LAMA2: variants seen among roughly 807,000 people sequenced by gnomAD.
LAMA2 encodes the protein laminin subunit alpha 2, also known as laminin subunit alpha-2.
In LAMA2, 269 loss-of-function variants were observed where a neutral mutation model predicts 364.8. That is an observed-to-expected ratio of 0.74 (90% CI 0.67 to 0.82). LAMA2 has a LOEUF of 0.82. Ranked by LOEUF, LAMA2 falls within the 40% of genes least tolerant of loss-of-function variation. LAMA2 has a pLI of 0.00. For missense variants in LAMA2, 3,807 were observed against 3,873.2 expected, an observed-to-expected ratio of 0.98 and a Z score of 0.45; for synonymous variants, 1,379 against 1,370.6, an observed-to-expected ratio of 1.01 and a Z score of -0.14.
chr6:129,430,882 AT>A (rs1195278299), intron 41 of LAMA2, among the ~76,000 whole-genome samples: 1 of 151,888 alleles, frequency 6.6e-6, no homozygotes. Flanking sequence ...ATTTAAAATA[AT>A]TTTTTTCAGT....
intron 41 of LAMA2, 76 bp from the exon 42 acceptor site, chr6:129,438,570 C>A: frequency 1.4e-6 from 1 of 719,178 alleles, no homozygotes; most frequent in African/African-American, 1.8e-5. Flanking sequence ...TTAAAATAAC[C>A]TGAAATTGCA....
At chr6:129,127,642 T>G (rs771909935) in intron 4 of LAMA2, among the ~76,000 whole-genome samples, 2 of 152,212 alleles carry the variant, frequency 1.3e-5, no homozygotes, top group Non-Finnish European at 2.9e-5. Context: ...CCACCAACAG[T>G]GTACAAGGAT....
At chr6:129,279,268 G>C (rs2114387693) in intron 17 of LAMA2, among the ~76,000 whole-genome samples, 1 of 152,226 alleles carries the variant, frequency 6.6e-6, no homozygotes, top group South Asian at 2.1e-4. Context: ...ATGTATGAGA[G>C]GTGCCTCTCA....
At chr6:129,190,149 C>A in intron 10 of LAMA2, 56 bp from the exon 11 acceptor site, 1 of 1,558,724 alleles carries the variant, frequency 6.4e-7, no homozygotes. Context: ...CAGACATGGA[C>A]GCAGCTCATA....
intron 1 of LAMA2, among the ~76,000 whole-genome samples, chr6:128,981,942 C>A (rs79934959): frequency 0.12 from 18,224 of 152,110 alleles, 1,206 homozygotes; most frequent in Middle Eastern, 0.21. Flanking sequence ...CAGTTAGGCA[C>A]CCAACCTCTC....
chr6:129,325,590 TACTC>T (rs199935293), intron 28 of LAMA2, among the ~76,000 whole-genome samples: 7 of 152,112 alleles, frequency 4.6e-5, no homozygotes, highest in African/African-American at 1.4e-4. Flanking sequence ...CGTTGTCAAA[TACTC>T]TCTCTCTCTC....
At chr6:128,909,702 T>C (rs1490838007) in intron 1 of LAMA2, among the ~76,000 whole-genome samples, 2 of 151,674 alleles carry the variant, frequency 1.3e-5, no homozygotes, top group Non-Finnish European at 2.9e-5. Context: ...GTTATTTTGC[T>C]CGTTAGTTGA....
intron 40 of LAMA2, among the ~76,000 whole-genome samples, chr6:129,412,897 G>C (rs1299958262): frequency 1.3e-5 from 2 of 152,174 alleles, no homozygotes; most frequent in African/African-American, 4.8e-5. Flanking sequence ...AACTGTAAGG[G>C]AGGTCTGGAA....
chr6:129,038,624 C>T (rs1290708760), intron 1 of LAMA2, among the ~76,000 whole-genome samples: 1 of 152,184 alleles, frequency 6.6e-6, no homozygotes, highest in Non-Finnish European at 1.5e-5. Flanking sequence ...ATCTCTACTC[C>T]TATCATTATC....
chr6:129,077,176 C>T (rs1009708094), intron 3 of LAMA2, among the ~76,000 whole-genome samples: 4 of 151,994 alleles, frequency 2.6e-5, no homozygotes, highest in Admixed American at 6.5e-5. Flanking sequence ...TTTGCTTCTT[C>T]ATTATCCTTA....
At chr6:129,269,717 G>A (rs1787788916) in intron 16 of LAMA2, among the ~76,000 whole-genome samples, 1 of 152,086 alleles carries the variant, frequency 6.6e-6, no homozygotes, top group East Asian at 1.9e-4. Context: ...TTCAGTAATA[G>A]CTTAGTTTAG....
At chr6:129,239,704 T>A (rs922900931) in intron 12 of LAMA2, among the ~76,000 whole-genome samples, 2 of 152,274 alleles carry the variant, frequency 1.3e-5, no homozygotes, top group East Asian at 3.9e-4. Context: ...TTATTTTAGA[T>A]GAAGTTCTGC....
chr6:129,176,993 A>G (rs1780633949), intron 9 of LAMA2, among the ~76,000 whole-genome samples: 2 of 151,720 alleles, frequency 1.3e-5, no homozygotes, highest in South Asian at 4.2e-4. Context: ...CTGATGGACT[A>G]TATATATTAC....
chr6:129,381,148 A>G (rs1778660756), intron 34 of LAMA2, among the ~76,000 whole-genome samples: 1 of 152,200 alleles, frequency 6.6e-6, no homozygotes, highest in East Asian at 1.9e-4. Context: ...CATTTTCTGT[A>G]CCATAAGAGA....
At chr6:129,381,667 C>CA (rs1428657917) in intron 34 of LAMA2, among the ~76,000 whole-genome samples, 2 of 151,868 alleles carry the variant, frequency 1.3e-5, no homozygotes, top group Non-Finnish European at 1.5e-5. Flanking sequence ...CAGTTTATCC[C>CA]AAAAAAATTT....
chr6:129,059,404 C>G (rs1037939795), intron 2 of LAMA2, among the ~76,000 whole-genome samples: 12 of 152,288 alleles, frequency 7.9e-5, no homozygotes, highest in African/African-American at 2.9e-4. Context: ...TGATGGCATA[C>G]TAGAGCTGTC....
chr6:129,267,185 C>T lies in LAMA2; in HGVS notation c.2288C>T (p.Ala763Val), dbSNP rs141521127. 1.9e-4 allele frequency: 314 copies of T among 1,612,846 alleles called. 2 individuals carry two copies. The East Asian group carries it at 3.1e-3, about 16-fold the overall frequency. ...ICEPCQCFGHAESCDDVTGEC... is the reference protein window; with the variant it reads ...ICEPCQCFGHVESCDDVTGEC... ...GAGCCATGTCAGTGCTTTGGTCATG[C>T]GGAGTCCTGTGATGACGTCACTGGA... Residue 763 changes from alanine (A) to valine (V), a missense_variant, in exon 16 of 65, where the codon GCG becomes GTG. This residue lies in a region of LAMA2 where 3,333 missense variants were observed against 3,345.7 expected (regional missense o/e 1.00). Transcript: ENST00000421865.
At chr6:129,318,029 A>C (rs1225807006) in intron 27 of LAMA2, among the ~76,000 whole-genome samples, 1 of 152,112 alleles carries the variant, frequency 6.6e-6, no homozygotes, top group Admixed American at 6.6e-5. Context: ...AATCTCAGTA[A>C]AAACTGGGGT....
chr6:129,430,134 G>C (rs1305158014), intron 41 of LAMA2, among the ~76,000 whole-genome samples: 2 of 152,146 alleles, frequency 1.3e-5, no homozygotes, highest in Non-Finnish European at 2.9e-5. Context: ...AATTACGGAG[G>C]TTATAAAATG....
Sources: gnomAD v4.1 joint callset for allele counts (sites outside exome capture counted in the v4.1 genomes callset) on GRCh38, gnomAD v4.1.1 for gene constraint, gnomAD v4.1.1 regional missense constraint, MANE v1.5 for transcripts, NCBI Gene and HGNC (gene_info 2026-07-23, HGNC 2026-07-21) for gene names.